Variants in THSD4 observed in about 807,000 individuals in gnomAD.
THSD4 encodes the protein thrombospondin type-1 domain-containing protein 4.
A neutral mutation model predicts 119.0 loss-of-function variants in THSD4; 69 were observed. That is an observed-to-expected ratio of 0.58 (90% CI 0.48 to 0.71). The LOEUF is 0.71. Ranked by LOEUF, THSD4 falls within the 30% of genes least tolerant of loss-of-function variation. The pLI is 0.00. For missense variants in THSD4, 1,393 were observed against 1,391.1 expected (o/e 1.00, Z -0.02); for synonymous variants, 524 against 540.4 (o/e 0.97, Z 0.42).
intron 7 of THSD4, among the ~76,000 whole-genome samples, chr15:71,421,178 A>AAAAAAG (rs2046802312): frequency 1.0e-5 from 1 of 98,102 alleles, no homozygotes; most frequent in Non-Finnish European, 2.2e-5. Context: ...AAAAAAAAAA[A>AAAAAAG]AAAAAAAAAA....
intron 7 of THSD4, among the ~76,000 whole-genome samples, chr15:71,586,027 T>C (rs1257182647): frequency 6.6e-6 from 1 of 152,226 alleles, no homozygotes; most frequent in Admixed American, 6.5e-5. Context: ...TCATTAACTT[T>C]AAGATGATTA....
chr15:71,237,075 A>G (rs1206843857), intron 4 of THSD4, among the ~76,000 whole-genome samples: 2 of 152,172 alleles, frequency 1.3e-5, no homozygotes, highest in African/African-American at 2.4e-5. Flanking sequence ...TGGGTGGTCC[A>G]TGCAGGGCCA....
In THSD4 at chr15:71,728,581, A is replaced by G; in HGVS notation, c.1390A>G (p.Asn464Asp). The change falls in exon 9 of 18, where the codon AAT becomes GAT. Residue 464 changes from asparagine to aspartate, a missense_variant. Coordinates refer to ENST00000261862, the MANE Select transcript of THSD4 (RefSeq NM_024817.3). ...AAGTCGTTCTGGACGCTCCATCATC[A>G]ATGGGAACTGGGCAATTGATCGACC... The part of the protein sequence containing the change: ...LRSRSGRSII[N>D]GNWAIDRPGK... 2 of 1,614,178 alleles carry G rather than the reference A, an allele frequency of 1.2e-6. No homozygotes were observed. Among genetic ancestry groups the G allele is most frequent in the South Asian group, 2.2e-5 (2 of 91,076 alleles).
chr15:71,371,800 T>TGCCAA (rs2046054010), intron 6 of THSD4, among the ~76,000 whole-genome samples: 2 of 152,190 alleles, frequency 1.3e-5, no homozygotes, highest in Non-Finnish European at 2.9e-5. Flanking sequence ...GCATTCTCTG[T>TGCCAA]ATTTCCTGAA....
chr15:71,744,909 T>A (rs1443445475), intron 11 of THSD4, among the ~76,000 whole-genome samples, 197 bp from the exon 12 acceptor site: 2 of 152,160 alleles, frequency 1.3e-5, no homozygotes, highest in African/African-American at 4.8e-5. Context: ...CCCCCACAGT[T>A]CCTAGCAAAG....
intron 1 of THSD4, among the ~76,000 whole-genome samples, chr15:71,103,759 T>C (rs1183412025): frequency 6.6e-6 from 1 of 151,748 alleles, no homozygotes; most frequent in African/African-American, 2.4e-5. Flanking sequence ...GCCTGTGGGC[T>C]GAGGCTGGAA....
intron 3 of THSD4, among the ~76,000 whole-genome samples, chr15:71,198,079 A>G (rs2043735210): frequency 6.6e-6 from 1 of 152,052 alleles, no homozygotes. Context: ...ATATAGTGAG[A>G]CCCTGTCTCT....
In THSD4 at chr15:71,682,917, CTT is replaced by C. The variant is rs2051823312; in HGVS notation, c.1357+22184_1357+22185del. Among the ~76,000 whole-genome samples the C allele has an allele frequency of 1.8e-4, 8 of 44,582 alleles. 1 individual carries two copies. The highest frequency in any genetic ancestry group is 7.5e-4 in the African/African-American group (7 of 9,352). 29.2% of individuals were successfully genotyped at this position (44,582 alleles called of 152,430 possible). A position where few individuals can be genotyped will look rare whatever the true frequency, so the allele number is the denominator to read the frequency against. On this transcript the variant is annotated intron_variant, in intron 8 of 17. Coordinates refer to ENST00000261862, the MANE Select transcript of THSD4 (RefSeq NM_024817.3). ...CTTTCTTTCTTTCTTTCTTCTTCTTCTTCTTTTTTTTTTTTTTTTTTTGAGTC... is the reference window on the plus strand; with the variant it reads ...CTTTCTTTCTTTCTTTCTTCTTCTTCCTTTTTTTTTTTTTTTTTTTGAGTC...
intron 7 of THSD4, among the ~76,000 whole-genome samples, chr15:71,473,470 T>G (rs1053662266): frequency 6.6e-6 from 1 of 152,126 alleles, no homozygotes; most frequent in African/African-American, 2.4e-5. Flanking sequence ...TTACTTGGAG[T>G]TGTCGCTGTT....
chr15:71,668,232 A>T (rs1045306093), intron 8 of THSD4, among the ~76,000 whole-genome samples: 1 of 152,218 alleles, frequency 6.6e-6, no homozygotes, highest in African/African-American at 2.4e-5. Context: ...TCAAAATGAT[A>T]CTAAAGCGAT....
intron 6 of THSD4, among the ~76,000 whole-genome samples, chr15:71,396,457 C>T (rs752669599): frequency 2.0e-5 from 3 of 152,202 alleles, no homozygotes; most frequent in Non-Finnish European, 4.4e-5. Context: ...AAGACCTTTA[C>T]TTTATGTGGC....
intron 6 of THSD4, among the ~76,000 whole-genome samples, chr15:71,308,021 G>A (rs141992854): frequency 6.6e-6 from 1 of 152,066 alleles, no homozygotes; most frequent in Non-Finnish European, 1.5e-5. Flanking sequence ...TTTTTACTGG[G>A]GCCAGTCATA....
intron 6 of THSD4, among the ~76,000 whole-genome samples, chr15:71,395,853 T>G (rs1393034889): frequency 1.3e-5 from 2 of 151,548 alleles, no homozygotes; most frequent in Non-Finnish European, 2.9e-5. Flanking sequence ...AAAACTCTCT[T>G]CCTGCTACAA....
intron 7 of THSD4, among the ~76,000 whole-genome samples, chr15:71,458,150 GATTA>G (rs1188439936): frequency 1.3e-5 from 2 of 152,244 alleles, no homozygotes; most frequent in South Asian, 2.1e-4. Context: ...AATGACCATG[GATTA>G]ATTGTTATAA....
At chr15:71,367,450 C>G (rs1041723629) in intron 6 of THSD4, among the ~76,000 whole-genome samples, 1 of 152,204 alleles carries the variant, frequency 6.6e-6, no homozygotes, top group East Asian at 1.9e-4. Context: ...CACCCCACGA[C>G]AGGCCCCGGT....
chr15:71,362,804 A>T (rs2045909841), intron 6 of THSD4, among the ~76,000 whole-genome samples: 1 of 151,970 alleles, frequency 6.6e-6, no homozygotes, highest in Admixed American at 6.6e-5. Flanking sequence ...ATGGAGATCC[A>T]CTTTATTTCA....
chr15:71,301,775 G>A (rs112672448), intron 6 of THSD4, among the ~76,000 whole-genome samples: 149 of 152,328 alleles, frequency 9.8e-4, no homozygotes, highest in African/African-American at 3.2e-3. Flanking sequence ...TTGAGTGTGT[G>A]CTTAGTTATA....
At chr15:71,169,932 G>A (rs182852025) in intron 3 of THSD4, among the ~76,000 whole-genome samples, 16 of 152,194 alleles carry the variant, frequency 1.1e-4, no homozygotes, top group Admixed American at 6.5e-4. Context: ...CCAGCATTTT[G>A]GAAGGCCAAG....
At chr15:71,672,049 G>A (rs1015653491) in intron 8 of THSD4, among the ~76,000 whole-genome samples, 2 of 152,124 alleles carry the variant, frequency 1.3e-5, no homozygotes, top group Non-Finnish European at 2.9e-5. Flanking sequence ...AATGGGGATG[G>A]CATTGAATCT....
Sources: allele counts gnomAD v4.1 joint callset (sites outside exome capture counted in the v4.1 genomes callset), GRCh38; gene constraint gnomAD v4.1.1; transcripts MANE v1.5; gene names NCBI Gene and HGNC (gene_info 2026-07-23, HGNC 2026-07-21).